ST18: variants seen among roughly 807,000 people sequenced by gnomAD.
ST18 encodes the protein ST18 C2H2C-type zinc finger transcription factor.
A neutral mutation model predicts 110.0 loss-of-function variants in ST18; 50 were observed. That is an observed-to-expected ratio of 0.45 (90% confidence interval 0.36 to 0.58). ST18 has a LOEUF of 0.58. ST18 is among the 20% of genes least tolerant of loss of function. ST18 has a pLI of 0.00. For missense variants in ST18, 1,306 were observed against 1,280.1 expected, an observed-to-expected ratio of 1.02 and a Z score of -0.31; for synonymous variants, 461 against 452.4, an observed-to-expected ratio of 1.02 and a Z score of -0.24.
At chr8:52,122,308 TTGTATTC>T (rs1443497088) in intron 23 of ST18, among the ~76,000 whole-genome samples, 1 of 152,070 alleles carries the variant, frequency 6.6e-6, no homozygotes, top group African/African-American at 2.4e-5. Context: ...TATATTTTCT[TTGTATTC>T]TGTATAATTA....
intron 2 of ST18, among the ~76,000 whole-genome samples, chr8:52,365,108 T>C (rs1827317387): frequency 6.0e-5 from 1 of 16,704 alleles, no homozygotes; most frequent in Admixed American, 9.3e-4. Flanking sequence ...AGCGAGACTC[T>C]GTCTTAAAAA....
In ST18 at chr8:52,238,009, T is replaced by C. The variant is rs186289933; in HGVS notation, c.-464-7932A>G. ...AGGGAAATGCAAGTTAAAATCACAATGAGATGCCACTGTGAACCCATTAAG... is the reference window on the plus strand; with the variant it reads ...AGGGAAATGCAAGTTAAAATCACAACGAGATGCCACTGTGAACCCATTAAG... On this transcript the variant is annotated intron_variant, in intron 2 of 25. Coordinates refer to ENST00000689386, the MANE Select transcript of ST18 (RefSeq NM_001352837.2). 2.7e-3 allele frequency among the ~76,000 whole-genome samples: 415 copies of C among 152,248 alleles called. 2 individuals are homozygous for C. The highest frequency in any genetic ancestry group is 4.9e-3 in the Admixed American group (75 of 15,284).
rs7816288 is a variant in ST18 at position 52,196,304 on chromosome 8, C to T, written c.86+15775G>A. Among the ~76,000 whole-genome samples the T allele has an allele frequency of 4.9e-3, 745 of 152,312 alleles. 5 individuals are homozygous for T. Among genetic ancestry groups the T allele is most frequent in the Middle Eastern group, 0.024 (7 of 294 alleles). ...AAAGTTTGGTAAGCCCTAAACCTCACACTTAAAAGAAAAAGAAACCTTAAA... is the reference window on the plus strand; with the variant it reads ...AAAGTTTGGTAAGCCCTAAACCTCATACTTAAAAGAAAAAGAAACCTTAAA... On this transcript the variant is annotated intron_variant, in intron 8 of 25. Transcript: ENST00000689386.
At chr8:52,177,222 T>C (rs1249957322) in intron 9 of ST18, among the ~76,000 whole-genome samples, 1 of 152,196 alleles carries the variant, frequency 6.6e-6, no homozygotes, top group East Asian at 1.9e-4. Context: ...AAGGAAGAGG[T>C]AACTGCATGG....
chr8:52,188,356 G>C (rs1430803932), intron 8 of ST18, among the ~76,000 whole-genome samples: 1 of 152,192 alleles, frequency 6.6e-6, no homozygotes, highest in African/African-American at 2.4e-5. Context: ...TGCAGAAACA[G>C]TGGGGCACAG....
chr8:52,229,521 C>A (rs1281468915), intron 3 of ST18, among the ~76,000 whole-genome samples: 2 of 152,216 alleles, frequency 1.3e-5, no homozygotes, highest in Non-Finnish European at 2.9e-5. Flanking sequence ...ATTTTCAACA[C>A]CAGCAATGGC....
chr8:52,263,423 T>C (rs2094760010), intron 2 of ST18, among the ~76,000 whole-genome samples: 1 of 152,154 alleles, frequency 6.6e-6, no homozygotes, highest in Non-Finnish European at 1.5e-5. Flanking sequence ...TCACAGAACA[T>C]CTCTGAAAAG....
chr8:52,184,650 C>A (rs1021759929), intron 8 of ST18, among the ~76,000 whole-genome samples: 2 of 152,106 alleles, frequency 1.3e-5, no homozygotes, highest in Non-Finnish European at 2.9e-5. Flanking sequence ...AACTGTGAAT[C>A]CTCCACATCT....
chr8:52,330,500 A>G (rs1808747320), intron 2 of ST18, among the ~76,000 whole-genome samples: 1 of 152,116 alleles, frequency 6.6e-6, no homozygotes, highest in East Asian at 1.9e-4. Context: ...TCTAAAATTC[A>G]TTATAGGAGA....
intron 2 of ST18, among the ~76,000 whole-genome samples, chr8:52,303,675 T>C (rs2095766633): frequency 6.6e-6 from 1 of 152,126 alleles, no homozygotes; most frequent in African/African-American, 2.4e-5. Flanking sequence ...ACACAAACAA[T>C]GCAAACATGA....
At chr8:52,279,134 T>C (rs1044783931) in intron 2 of ST18, among the ~76,000 whole-genome samples, 3 of 152,154 alleles carry the variant, frequency 2.0e-5, no homozygotes, top group Non-Finnish European at 2.9e-5. Context: ...ATAACAGTTA[T>C]AGAATATAAA....
intron 3 of ST18, among the ~76,000 whole-genome samples, chr8:52,229,264 A>G (rs1235540224): frequency 2.0e-5 from 3 of 152,226 alleles, no homozygotes; most frequent in African/African-American, 7.2e-5. Flanking sequence ...TTAAAAAGGC[A>G]CAAAGGTCTT....
At chr8:52,128,282 A>G (rs1255098109) in intron 22 of ST18, among the ~76,000 whole-genome samples, 2 of 152,220 alleles carry the variant, frequency 1.3e-5, no homozygotes, top group African/African-American at 2.4e-5. Context: ...ATTTTAAATT[A>G]TATCTTCATC....
rs140966554 is a variant in ST18, at chr8:52,159,056, C to T, written c.1648G>A (p.Ala550Thr). ...GCACGGCCAGGGCTCTGGGTGTGGG[C>T]GCCTGCACTAGGCAGTCGATTAGGA... ...KFPNRLPSAG[A>T]HTQSPGRASS... The change falls in exon 15 of 26, where the codon GCC (alanine) becomes ACC (threonine). Residue 550 changes from alanine to threonine, a missense_variant. By Grantham distance (58) the Ala-to-Thr change is moderately conservative. Transcript: ENST00000689386. 395 of 1,614,068 alleles carry T rather than the reference C, an allele frequency of 2.4e-4. No individual in the cohort carries two copies. In the African/African-American group the frequency reaches 4.2e-3, roughly 17 times the overall value.
At chr8:52,319,005 A>G (rs1215294803) in intron 2 of ST18, among the ~76,000 whole-genome samples, 19 of 152,120 alleles carry the variant, frequency 1.2e-4, no homozygotes, top group Non-Finnish European at 1.5e-5. Context: ...TGATGGGATG[A>G]TCTGTGCAGC....
chr8:52,400,486 G>C (rs1842528412), intron 2 of ST18, among the ~76,000 whole-genome samples: 1 of 152,058 alleles, frequency 6.6e-6, no homozygotes, highest in Non-Finnish European at 1.5e-5. Flanking sequence ...TTGTTTTGTA[G>C]ATTCTTTTTC....
At chr8:52,131,217 C>T (rs1243845425) in intron 22 of ST18, among the ~76,000 whole-genome samples, 1 of 152,174 alleles carries the variant, frequency 6.6e-6, no homozygotes, top group East Asian at 1.9e-4. Flanking sequence ...TTTCCTAAAG[C>T]TTCATTGGAT....
Position 52,136,524 on chromosome 8 carries a change from G to A in ST18, c.2300+66C>T, listed in dbSNP as rs929349706. The A allele has an allele frequency of 6.1e-6, 9 of 1,468,584 alleles. No individual in the cohort carries two copies. The African/African-American group carries it at 1.1e-4, about 18-fold the overall frequency. The allele number at this position is 1,468,584 out of a possible 1,614,324, so 91.0% of individuals were successfully genotyped here. Reference sequence around the variant, plus strand: ...GTTGCTGATCACTTGGGCAATGAATGGGCACTGAACGAGAGGGTCCTACCG... The same window carrying A: ...GTTGCTGATCACTTGGGCAATGAATAGGCACTGAACGAGAGGGTCCTACCG... On this transcript the variant is annotated intron_variant, in intron 19 of 25. Coordinates refer to ENST00000689386, the MANE Select transcript of ST18 (RefSeq NM_001352837.2).
chr8:52,359,688 C>A (rs1824816187), intron 2 of ST18, among the ~76,000 whole-genome samples: 1 of 152,026 alleles, frequency 6.6e-6, no homozygotes, highest in Non-Finnish European at 1.5e-5. Context: ...GATTTTAATC[C>A]AAAGAGTCTA....
Sources: gnomAD v4.1 joint callset for allele counts (sites outside exome capture counted in the v4.1 genomes callset) on GRCh38, gnomAD v4.1.1 for gene constraint, MANE v1.5 for transcripts, NCBI Gene and HGNC (gene_info 2026-07-23, HGNC 2026-07-21) for gene names.